The following DISC1 variants were observed in gnomAD, a reference collection of about 807,000 sequenced individuals.
DISC1 encodes the protein disrupted in schizophrenia 1 protein.
DISC1 carries 57 observed loss-of-function variants against 84.5 expected under a neutral mutation model. That is an observed-to-expected ratio of 0.67 (90% CI 0.55 to 0.84). The LOEUF is 0.84. DISC1 is among the 40% of genes least tolerant of loss of function. The pLI, the probability that DISC1 is intolerant of heterozygous loss-of-function variation, is 0.00. For synonymous variants in DISC1, 411 were observed against 415.2 expected (o/e 0.99, Z 0.12); for missense variants, 1,000 against 1,057.8 (o/e 0.95, Z 0.76).
At chr1:232,023,987 A>G (rs1442525571) in intron 11 of DISC1, among the ~76,000 whole-genome samples, 2 of 151,628 alleles carry the variant, frequency 1.3e-5, no homozygotes, top group African/African-American at 4.8e-5. Flanking sequence ...TCAATTTCAT[A>G]TCTTTGATTA....
chr1:231,822,366 C>A (rs997306768), intron 9 of DISC1, among the ~76,000 whole-genome samples: 14 of 152,018 alleles, frequency 9.2e-5, no homozygotes, highest in Non-Finnish European at 2.1e-4. Context: ...AGTGAGAATA[C>A]CAAGCAGCAA....
At chr1:231,888,540 C>T (rs1369980364) in intron 9 of DISC1, among the ~76,000 whole-genome samples, 1 of 151,346 alleles carries the variant, frequency 6.6e-6, no homozygotes, top group Non-Finnish European at 1.5e-5. Context: ...GTCAGGAGCT[C>T]CTGGCTAACA....
At chr1:231,941,693 G>A (rs534561900) in intron 9 of DISC1, among the ~76,000 whole-genome samples, 34 of 151,722 alleles carry the variant, frequency 2.2e-4, no homozygotes, top group African/African-American at 7.0e-4. Flanking sequence ...GGATGGTCTC[G>A]ATCTCTTGAC....
At chr1:231,662,562 G>A (rs899974686) in intron 1 of DISC1, among the ~76,000 whole-genome samples, 2 of 152,050 alleles carry the variant, frequency 1.3e-5, no homozygotes, top group African/African-American at 4.8e-5. Context: ...ATTGTGGGGG[G>A]CCCTTCCTCA....
intron 3 of DISC1, among the ~76,000 whole-genome samples, chr1:231,725,583 A>G (rs2070540308): frequency 6.6e-6 from 1 of 152,174 alleles, no homozygotes; most frequent in Non-Finnish European, 1.5e-5. Context: ...CTGACTCTGC[A>G]TTGCTGCCTA....
At chr1:231,805,060 T>C (rs1159974320) in intron 8 of DISC1, among the ~76,000 whole-genome samples, 3 of 152,192 alleles carry the variant, frequency 2.0e-5, no homozygotes, top group Non-Finnish European at 4.4e-5. Flanking sequence ...ACCATGATGA[T>C]ATTAATATAT....
At chr1:231,667,750 G>A (rs548848025) in intron 1 of DISC1, among the ~76,000 whole-genome samples, 1 of 152,248 alleles carries the variant, frequency 6.6e-6, no homozygotes, top group South Asian at 2.1e-4. Flanking sequence ...AGATTAGGTG[G>A]AATGATGTAA....
chr1:231,804,644 T>C (rs2079564358), intron 8 of DISC1, among the ~76,000 whole-genome samples: 2 of 152,118 alleles, frequency 1.3e-5, no homozygotes, highest in African/African-American at 4.8e-5. Flanking sequence ...ATAGCTGTGT[T>C]CTCCCATTGG....
chr1:231,997,497 A>G (rs991253701), intron 10 of DISC1, among the ~76,000 whole-genome samples: 2 of 152,166 alleles, frequency 1.3e-5, no homozygotes, highest in African/African-American at 4.8e-5. Flanking sequence ...GGCTTTTCAG[A>G]CATGACCTTT....
At chr1:231,838,012 G>A (rs201651609) in intron 9 of DISC1, among the ~76,000 whole-genome samples, 4 of 151,986 alleles carry the variant, frequency 2.6e-5, no homozygotes, top group Non-Finnish European at 5.9e-5. Context: ...AGCCTTTAGA[G>A]TTTGCAAACA....
chr1:231,778,007 T>C (rs2077086096), intron 6 of DISC1, among the ~76,000 whole-genome samples: 1 of 152,110 alleles, frequency 6.6e-6, no homozygotes, highest in African/African-American at 2.4e-5. Flanking sequence ...GAGTGCTTAG[T>C]CCAGCAATGG....
chr1:231,741,577 T>C (rs2073284691), intron 3 of DISC1, among the ~76,000 whole-genome samples: 1 of 152,058 alleles, frequency 6.6e-6, no homozygotes, highest in Non-Finnish European at 1.5e-5. Flanking sequence ...CTTGAACATG[T>C]GGAGGTGAGG....
chr1:231,874,303 G>T (rs990886909), intron 9 of DISC1, among the ~76,000 whole-genome samples: 11 of 150,496 alleles, frequency 7.3e-5, no homozygotes, highest in Admixed American at 5.3e-4. Context: ...GACTACAGGC[G>T]CACACCACCA....
intron 9 of DISC1, among the ~76,000 whole-genome samples, chr1:231,838,099 A>G (rs566137783): frequency 6.6e-6 from 1 of 152,342 alleles, no homozygotes; most frequent in South Asian, 2.1e-4. Flanking sequence ...CAGTTTTGAA[A>G]TTTCTCACTT....
chr1:231,694,717 C>T lies in DISC1; in HGVS notation c.959C>T (p.Ser320Leu). The stretch of plus-strand genomic sequence containing the variant: ...TGTGGTGGTGATGGGAGCAGCGGCT[C>T]AGGGGATGCCCACTCTTGGGACACC... ...AGCGGDGSSG[S>L]GDAHSWDTLL... The change falls in exon 2 of 13, where the codon TCA (serine) becomes TTA (leucine). Residue 320 changes from serine (S) to leucine (L), a missense_variant. By Grantham distance (145) the Ser-to-Leu change is moderately radical. Coordinates refer to ENST00000439617, the MANE Select transcript of DISC1 (RefSeq NM_018662.3). 1.2e-6 allele frequency: 2 copies of T among 1,614,160 alleles called. No individual in the cohort carries two copies. The highest frequency in any genetic ancestry group is 8.5e-7 in the Non-Finnish European group (1 of 1,180,034).
At chr1:231,804,907 G>A (rs2079581524) in intron 8 of DISC1, among the ~76,000 whole-genome samples, 1 of 152,094 alleles carries the variant, frequency 6.6e-6, no homozygotes, top group Non-Finnish European at 1.5e-5. Context: ...AGCGTAATCC[G>A]GCCATGTTGT....
At chr1:231,707,652 C>T (rs1279398010) in intron 3 of DISC1, among the ~76,000 whole-genome samples, 2 of 152,132 alleles carry the variant, frequency 1.3e-5, no homozygotes, top group African/African-American at 4.8e-5. Flanking sequence ...CTCCTGCAAA[C>T]AAGAAAAGAA....
intron 6 of DISC1, among the ~76,000 whole-genome samples, chr1:231,781,022 A>T (rs1312946424): frequency 1.6e-5 from 1 of 61,336 alleles, no homozygotes; most frequent in African/African-American, 6.7e-5. Context: ...GGGTGGGGGG[A>T]GGGGGGAGGG....
At chr1:231,822,545 A>G (rs928762590) in intron 9 of DISC1, among the ~76,000 whole-genome samples, 1 of 152,192 alleles carries the variant, frequency 6.6e-6, no homozygotes, top group African/African-American at 2.4e-5. Flanking sequence ...TTTGCTTTAG[A>G]TAGAAAAGTT....
Sources: allele counts gnomAD v4.1 joint callset (sites outside exome capture counted in the v4.1 genomes callset), GRCh38; gene constraint gnomAD v4.1.1; transcripts MANE v1.5; gene names NCBI Gene and HGNC (gene_info 2026-07-23, HGNC 2026-07-21).